The following RALYL variants were observed in gnomAD, a reference collection of about 807,000 sequenced individuals.
RALYL encodes RNA-binding Raly-like protein.
In RALYL, 29 loss-of-function variants were observed where a neutral mutation model predicts 35.1. The observed-to-expected ratio is 0.83, with a 90% CI of 0.61 to 1.13. RALYL has a LOEUF of 1.13. RALYL is among the 50% of genes most tolerant of loss of function. The pLI is 0.00. For missense variants in RALYL, 359 were observed against 360.4 expected, an observed-to-expected ratio of 1.00 and a Z score of 0.03; for synonymous variants, 120 against 127.6, an observed-to-expected ratio of 0.94 and a Z score of 0.40.
At chr8:84,400,148 T>A (rs1389337611) in intron 1 of RALYL, among the ~76,000 whole-genome samples, 2 of 152,136 alleles carry the variant, frequency 1.3e-5, no homozygotes, top group East Asian at 3.9e-4. Context: ...GGACCAGAAG[T>A]GTGTCATTTT....
At chr8:84,873,004 T>C (rs1186151316) in intron 6 of RALYL, 1 of 267,208 alleles carries the variant, frequency 3.7e-6, no homozygotes, top group African/African-American at 2.2e-5. Context: ...CATTGGGTTA[T>C]TTTAAAAAAT....
At chr8:84,884,760 A>G (rs778094551) in intron 7 of RALYL, among the ~76,000 whole-genome samples, 2 of 152,088 alleles carry the variant, frequency 1.3e-5, no homozygotes, top group Non-Finnish European at 2.9e-5. Flanking sequence ...TAAAAAATTT[A>G]TAAGATTCAA....
chr8:84,376,325 G>A (rs1335377205), intron 1 of RALYL, among the ~76,000 whole-genome samples: 2 of 151,770 alleles, frequency 1.3e-5, no homozygotes, highest in Non-Finnish European at 2.9e-5. Context: ...AGGATTTCCA[G>A]GTATGTCAGA....
chr8:84,869,004 A>G (rs1453717166), intron 6 of RALYL, among the ~76,000 whole-genome samples: 1 of 150,904 alleles, frequency 6.6e-6, no homozygotes, highest in Non-Finnish European at 1.5e-5. Context: ...TTTTCTTATT[A>G]TAGGATATTT....
At chr8:84,759,416 G>T (rs1812170981) in intron 2 of RALYL, among the ~76,000 whole-genome samples, 1 of 152,112 alleles carries the variant, frequency 6.6e-6, no homozygotes, top group South Asian at 2.1e-4. Context: ...ATTTATTAAA[G>T]TCTAGTGGAT....
chr8:84,423,034 G>A (rs1370722237), intron 1 of RALYL, among the ~76,000 whole-genome samples: 3 of 149,958 alleles, frequency 2.0e-5, no homozygotes, highest in Admixed American at 6.6e-5. Flanking sequence ...TGTTGATTTG[G>A]GGTGGACAGT....
At chr8:84,450,925 A>G (rs2049400013) in intron 1 of RALYL, among the ~76,000 whole-genome samples, 1 of 152,024 alleles carries the variant, frequency 6.6e-6, no homozygotes, top group Non-Finnish European at 1.5e-5. Context: ...TCTACTTCAT[A>G]CATGGGGTTC....
intron 1 of RALYL, among the ~76,000 whole-genome samples, chr8:84,520,188 G>C (rs2058357355): frequency 6.6e-6 from 1 of 152,118 alleles, no homozygotes; most frequent in African/African-American, 2.4e-5. Context: ...CTTCTTACTA[G>C]GTCATCTTGA....
At chr8:84,640,657 T>C (rs1826118074) in intron 2 of RALYL, among the ~76,000 whole-genome samples, 1 of 151,486 alleles carries the variant, frequency 6.6e-6, no homozygotes, top group Non-Finnish European at 1.5e-5. Context: ...TAGTTACAAC[T>C]GGAGGAAAAA....
chr8:84,191,468 G>A (rs575637679), intron 1 of RALYL, among the ~76,000 whole-genome samples: 2 of 152,108 alleles, frequency 1.3e-5, no homozygotes, highest in Non-Finnish European at 2.9e-5. Context: ...ACAAAGCATG[G>A]CTTCTTAATA....
At chr8:84,414,120 C>T (rs1324679457) in intron 1 of RALYL, among the ~76,000 whole-genome samples, 2 of 151,546 alleles carry the variant, frequency 1.3e-5, no homozygotes, top group African/African-American at 4.9e-5. Context: ...TCCATTTTGT[C>T]CCTGATGAGA....
intron 1 of RALYL, among the ~76,000 whole-genome samples, chr8:84,400,016 C>T (rs1320534153): frequency 6.6e-6 from 1 of 152,134 alleles, no homozygotes. Flanking sequence ...ACTTAGGAGG[C>T]TGAGGCAGGA....
At chr8:84,233,375 T>C (rs1352195793) in intron 1 of RALYL, among the ~76,000 whole-genome samples, 1 of 152,196 alleles carries the variant, frequency 6.6e-6, no homozygotes, top group East Asian at 1.9e-4. Flanking sequence ...GGAGACATTT[T>C]ATTACTATGG....
At chr8:84,191,747 A>G (rs1335727732) in intron 1 of RALYL, among the ~76,000 whole-genome samples, 1 of 152,228 alleles carries the variant, frequency 6.6e-6, no homozygotes, top group Non-Finnish European at 1.5e-5. Flanking sequence ...ATGAGTGCAT[A>G]ATGATACTCT....
intron 4 of RALYL, among the ~76,000 whole-genome samples, chr8:84,817,263 G>A (rs1448507683): frequency 6.6e-6 from 1 of 152,010 alleles, no homozygotes; most frequent in Non-Finnish European, 1.5e-5. Flanking sequence ...TACTTCTGCT[G>A]TTATGAAAAC....
At chr8:84,268,007 C>T (rs1481651148) in intron 1 of RALYL, among the ~76,000 whole-genome samples, 1 of 152,178 alleles carries the variant, frequency 6.6e-6, no homozygotes, top group Non-Finnish European at 1.5e-5. Flanking sequence ...AAACATTAAA[C>T]TTGCTCCACT....
chr8:84,539,580 T>A (rs2059849428), intron 2 of RALYL, among the ~76,000 whole-genome samples: 1 of 151,948 alleles, frequency 6.6e-6, no homozygotes, highest in South Asian at 2.1e-4. Context: ...TTGAAAAAAA[T>A]CTTTGCCTCT....
intron 4 of RALYL, among the ~76,000 whole-genome samples, chr8:84,812,992 A>G (rs1354413763): frequency 2.0e-5 from 3 of 151,858 alleles, no homozygotes; most frequent in African/African-American, 7.3e-5. Flanking sequence ...TGCCTGTGGT[A>G]TTTTTCCCCC....
intron 4 of RALYL, among the ~76,000 whole-genome samples, chr8:84,837,719 T>C (rs1832305727): frequency 6.6e-6 from 1 of 152,186 alleles, no homozygotes; most frequent in South Asian, 2.1e-4. Flanking sequence ...TGATTCCCCA[T>C]TACATCTTGA....
Sources: gnomAD v4.1 joint callset for allele counts (sites outside exome capture counted in the v4.1 genomes callset) on GRCh38, gnomAD v4.1.1 for gene constraint, MANE v1.5 for transcripts, NCBI Gene and HGNC (gene_info 2026-07-23, HGNC 2026-07-21) for gene names.